ARHGAP15: variants seen among roughly 807,000 people sequenced by gnomAD.
The protein encoded by ARHGAP15 is Rho GTPase activating protein 15.
In ARHGAP15, 51 loss-of-function variants were observed where a neutral mutation model predicts 63.7. The ratio of observed to expected loss-of-function variants is 0.80; its 90% CI spans 0.64 to 1.01. The LOEUF is 1.01. Ranked by LOEUF, ARHGAP15 falls within the 50% of genes least tolerant of loss-of-function variation. The pLI is 0.00. For synonymous variants in ARHGAP15, 191 were observed against 193.8 expected (o/e 0.99, Z 0.12); for missense variants, 560 against 564.6 (o/e 0.99, Z 0.08).
chr2:143,523,453 T>C (rs971689460), intron 10 of ARHGAP15, among the ~76,000 whole-genome samples: 2 of 152,174 alleles, frequency 1.3e-5, no homozygotes, highest in African/African-American at 2.4e-5. Flanking sequence ...TTGCAAGTTA[T>C]TTTCTTAACA....
At chr2:143,503,542 T>C (rs1456962927) in intron 9 of ARHGAP15, among the ~76,000 whole-genome samples, 1 of 152,216 alleles carries the variant, frequency 6.6e-6, no homozygotes, top group East Asian at 1.9e-4. Flanking sequence ...AAAAAGCAAG[T>C]AGCGTAGCAA....
intron 10 of ARHGAP15, chr2:143,521,987 G>A (rs1694080406): frequency 1.3e-5 from 2 of 152,156 alleles, no homozygotes; most frequent in Admixed American, 1.3e-4. Context: ...AATGAACAGA[G>A]CCAAATTGCT....
At chr2:143,594,075 T>C (rs1697419293) in intron 11 of ARHGAP15, among the ~76,000 whole-genome samples, 2 of 152,200 alleles carry the variant, frequency 1.3e-5, no homozygotes, top group Admixed American at 6.6e-5. Flanking sequence ...TATATGTGTG[T>C]GCATGTGTGT....
In ARHGAP15 at chr2:143,713,093, C is replaced by T. The variant is rs534076703; in HGVS notation, c.1244+9569C>T. On this transcript the variant is annotated intron_variant, in intron 13 of 13. Transcript: ENST00000295095. Reference sequence around the variant, plus strand: ...GAGTGGTTCCAGGTAACATCAACTACGTAAGCCTAGTGTATTAGTCCATTT... The same window carrying T: ...GAGTGGTTCCAGGTAACATCAACTATGTAAGCCTAGTGTATTAGTCCATTT... Among the ~76,000 whole-genome samples the T allele has an allele frequency of 8.1e-4, 124 of 152,256 alleles. 1 individual carries two copies. The highest frequency in any genetic ancestry group is 2.7e-3 in the African/African-American group (111 of 41,532).
chr2:143,561,923 CTTGTTTGT>C (rs2105099052), intron 11 of ARHGAP15, among the ~76,000 whole-genome samples: 1 of 152,248 alleles, frequency 6.6e-6, no homozygotes, highest in East Asian at 1.9e-4. Flanking sequence ...GATCAAGAAT[CTTGTTTGT>C]GTGTTTGTGA....
intron 6 of ARHGAP15, among the ~76,000 whole-genome samples, chr2:143,299,921 C>T (rs1682819544): frequency 6.6e-6 from 1 of 152,004 alleles, no homozygotes. Flanking sequence ...GGGTTGTCAT[C>T]TTTCAGGCAG....
chr2:143,445,713 C>T (rs1416623529), intron 8 of ARHGAP15, among the ~76,000 whole-genome samples: 1 of 152,128 alleles, frequency 6.6e-6, no homozygotes, highest in Non-Finnish European at 1.5e-5. Context: ...CAGCCCAGAT[C>T]ATACTTCCCA....
At chr2:143,271,771 C>T (rs1019970590) in intron 6 of ARHGAP15, among the ~76,000 whole-genome samples, 6 of 152,174 alleles carry the variant, frequency 3.9e-5, no homozygotes, top group African/African-American at 1.4e-4. Flanking sequence ...CCACCGTGCC[C>T]GGCCGTTTCT....
chr2:143,679,516 T>C (rs888470014), intron 12 of ARHGAP15, among the ~76,000 whole-genome samples: 11 of 152,230 alleles, frequency 7.2e-5, no homozygotes, highest in African/African-American at 2.7e-4. Flanking sequence ...ATTTCCTTTT[T>C]CTTCTCTATC....
intron 3 of ARHGAP15, among the ~76,000 whole-genome samples, chr2:143,211,997 C>A (rs1232120044): frequency 2.0e-5 from 3 of 152,162 alleles, no homozygotes; most frequent in African/African-American, 7.2e-5. Context: ...CCCTTCTCAT[C>A]AAAATCTGGT....
At chr2:143,305,726 C>T (rs979020894) in intron 6 of ARHGAP15, among the ~76,000 whole-genome samples, 9 of 151,944 alleles carry the variant, frequency 5.9e-5, no homozygotes, top group Non-Finnish European at 8.8e-5. Flanking sequence ...CTTATTGCAG[C>T]GTTTAACTGT....
intron 8 of ARHGAP15, among the ~76,000 whole-genome samples, chr2:143,455,889 T>G (rs1033693082): frequency 6.6e-6 from 1 of 151,642 alleles, no homozygotes; most frequent in Admixed American, 6.6e-5. Context: ...TCCCAAATGG[T>G]CTGGAGGCTG....
chr2:143,413,966 T>TGTGTGTGTGTGCGCGCGCGCGCGCGCGC, intron 6 of ARHGAP15, among the ~76,000 whole-genome samples: 37 of 117,910 alleles, frequency 3.1e-4, no homozygotes, highest in South Asian at 1.9e-3. Context: ...TGTGTGTGTG[T>TGTGTGTGTGTGCGCGCGCGCGCGCGCGC]GCGCGCTCTC....
At chr2:143,450,107 T>C (rs1690341124) in intron 8 of ARHGAP15, among the ~76,000 whole-genome samples, 1 of 151,458 alleles carries the variant, frequency 6.6e-6, no homozygotes, top group Non-Finnish European at 1.5e-5. Flanking sequence ...TTAATCTTTT[T>C]TTTTTTTTCC....
rs190147087 is a variant in ARHGAP15, at chr2:143,252,809, G to A, written c.474+2209G>A. Among the ~76,000 whole-genome samples the A allele has an allele frequency of 1.2e-3, 186 of 152,146 alleles. 1 individual carries two copies. Among genetic ancestry groups the A allele is most frequent in the African/African-American group, 4.4e-3 (181 of 41,536 alleles). Reference sequence around the variant, plus strand: ...TCTATAGTTCTGTTAACAAAAAAGCGTCGGGAAGGATTTGCCAGAGAGCTA... The same window carrying A: ...TCTATAGTTCTGTTAACAAAAAAGCATCGGGAAGGATTTGCCAGAGAGCTA... On this transcript the variant is annotated intron_variant, in intron 6 of 13. Transcript: ENST00000295095.
rs1274987974 is a variant in ARHGAP15, at chr2:143,624,282, G to A, written c.1138+15G>A. 1.2e-6 allele frequency: 2 copies of A among 1,603,884 alleles called. No individual in the cohort carries two copies. The highest frequency in any genetic ancestry group is 1.7e-5 in the Admixed American group (1 of 59,272). On this transcript the variant is annotated intron_variant, in intron 12 of 13. Transcript: ENST00000295095. ...GGAAGCGATCAGTAAGTACCTCACA[G>A]AAAAGGGCAGGTGGTAGAATAACCT...
At chr2:143,674,983 C>A (rs183594980) in intron 12 of ARHGAP15, among the ~76,000 whole-genome samples, 1 of 152,158 alleles carries the variant, frequency 6.6e-6, no homozygotes, top group East Asian at 1.9e-4. Context: ...ATTGCTCTAG[C>A]GTGCAGTGCC....
chr2:143,345,627 TA>T (rs1685235623), intron 6 of ARHGAP15, among the ~76,000 whole-genome samples: 1 of 152,154 alleles, frequency 6.6e-6, no homozygotes, highest in African/African-American at 2.4e-5. Context: ...ACACATTGCC[TA>T]AATTCAGTTT....
At chr2:143,763,760 A>G (rs1399100969) in intron 13 of ARHGAP15, among the ~76,000 whole-genome samples, 1 of 148,490 alleles carries the variant, frequency 6.7e-6, no homozygotes. Context: ...ATATGTATGT[A>G]TATAAATATA....
Sources: allele counts gnomAD v4.1 joint callset (sites outside exome capture counted in the v4.1 genomes callset), GRCh38; gene constraint gnomAD v4.1.1; transcripts MANE v1.5; gene names NCBI Gene and HGNC (gene_info 2026-07-23, HGNC 2026-07-21).